The following ZSCAN18 variants were observed in gnomAD, a reference collection of about 807,000 sequenced individuals.
The protein encoded by ZSCAN18 is zinc finger and SCAN domain-containing protein 18.
Under a neutral mutation model 31.1 loss-of-function variants are expected in ZSCAN18, and 16 were observed. The ratio of observed to expected loss-of-function variants is 0.51; its 90% CI spans 0.35 to 0.78. The LOEUF is 0.78. Ranked by LOEUF, ZSCAN18 falls within the 30% of genes least tolerant of loss-of-function variation. The probability of loss-of-function intolerance (pLI) is 0.01; values close to 1 mark genes in which losing one functional copy is unlikely to be tolerated. For missense variants in ZSCAN18, 731 were observed against 697.4 expected (o/e 1.05, Z -0.54); for synonymous variants, 375 against 320.7 (o/e 1.17, Z -1.81).
intron 1 of ZSCAN18, among the ~76,000 whole-genome samples, chr19:58,110,087 C>T (rs753936566): frequency 6.6e-6 from 1 of 152,034 alleles, no homozygotes; most frequent in Non-Finnish European, 1.5e-5. Flanking sequence ...ACTATGTTGC[C>T]CAGGCTGGTC....
chr19:58,099,325 TCA>T (rs1491301844), upstream of ZSCAN18, among the ~76,000 whole-genome samples: 4 of 152,114 alleles, frequency 2.6e-5, no homozygotes, highest in African/African-American at 9.7e-5. Flanking sequence ...AATTTTGCCT[TCA>T]CAGTGTCATA....
Position 58,109,090 on chromosome 19 carries a change from T to A in ZSCAN18, c.130+9177A>T, listed in dbSNP as rs1438890994. On this transcript the variant is annotated intron_variant, in intron 1 of 1. Transcript: ENST00000595721. The stretch of plus-strand genomic sequence containing the variant: ...CATGGTGACCACAGCCCCTCATAGA[T>A]GCTCTGGGTCCTTGTGTGTGGATGC... 2.4e-6 allele frequency: 3 copies of A among 1,227,600 alleles called. No individual in the cohort carries two copies. The East Asian group carries it at 9.5e-5, about 39-fold the overall frequency. The allele number at this position is 1,227,600 out of a possible 1,614,324, so 76.0% of individuals were successfully genotyped here. A position where few individuals can be genotyped will look rare whatever the true frequency, so the allele number is the denominator to read the frequency against.
In ZSCAN18 at chr19:58,085,043, G is replaced by T; in HGVS notation, c.1175C>A (p.Ala392Glu). The change falls in exon 7 of 7, where the codon GCA becomes GAA. Residue 392 changes from alanine to glutamate, a missense_variant. By Grantham distance (107) the Ala-to-Glu change is moderately radical. Coordinates refer to ENST00000601144, the MANE Select transcript of ZSCAN18 (RefSeq NM_001145543.2). ...AGGGCCCTGCCCGGCCTCCAGCCCT[G>T]CGCTGTCGCCGGAGCTAGAGACGCC... ...LEGVSSSGDS[A>E]GLEAGQGPGA... 1 of 1,596,092 alleles carries T rather than the reference G, an allele frequency of 6.3e-7. No individual in the cohort carries two copies. The highest frequency in any genetic ancestry group is 1.3e-5 in the African/African-American group (1 of 74,614).
At chr19:58,101,969 C>CAGAGATCACACACTTA (rs2074598061), upstream of ZSCAN18, among the ~76,000 whole-genome samples, 1 of 151,906 alleles carries the variant, frequency 6.6e-6, no homozygotes, top group African/African-American at 2.4e-5. Context: ...TCTAAGCAGC[C>CAGAGATCACACACTTA]AGAGATCACA....
intron 1 of ZSCAN18, chr19:58,118,215 C>T (rs1224539203): frequency 3.1e-5 from 28 of 896,894 alleles, no homozygotes; most frequent in Non-Finnish European, 4.3e-5. Flanking sequence ...ACAGAAAGAG[C>T]GACCACGCAG....
intron 1 of ZSCAN18, among the ~76,000 whole-genome samples, chr19:58,112,430 C>G (rs2146028181): frequency 6.6e-6 from 1 of 152,038 alleles, no homozygotes; most frequent in Middle Eastern, 3.4e-3. Flanking sequence ...GTGGGCGTAT[C>G]ACGAGGTCAG....
At chr19:58,094,241 C>CAAAA (rs57599558) in intron 1 of ZSCAN18, among the ~76,000 whole-genome samples, 5 of 141,520 alleles carry the variant, frequency 3.5e-5, no homozygotes, top group African/African-American at 1.3e-4. Context: ...ACTAAAAATA[C>CAAAA]AAAAAAAAAA....
At chr19:58,108,153 T>G in intron 1 of ZSCAN18, 1 of 986,790 alleles carries the variant, frequency 1.0e-6, no homozygotes, top group South Asian at 4.7e-5. Context: ...GTTGGAGAAT[T>G]TTTCACACTC....
At chr19:58,118,302 G>C in exon 1 of ZSCAN18, 1 of 1,515,604 alleles carries the variant, frequency 6.6e-7, no homozygotes, top group Non-Finnish European at 8.9e-7. Context: ...CGGTGGGCGG[G>C]AACGGAGGAA....
chr19:58,086,500 GA>G (rs1218913778), intron 5 of ZSCAN18: 15 of 513,750 alleles, frequency 2.9e-5, no homozygotes, highest in Non-Finnish European at 4.8e-5. Context: ...CAAAGCTAAA[GA>G]AAGACATTGA....
chr19:58,114,288 A>G (rs2074712310), intron 1 of ZSCAN18, among the ~76,000 whole-genome samples: 1 of 152,204 alleles, frequency 6.6e-6, no homozygotes, highest in South Asian at 2.1e-4. Flanking sequence ...TGATAATAAT[A>G]ATGTCATAAT....
At chr19:58,113,697 G>A (rs879639855) in intron 1 of ZSCAN18, among the ~76,000 whole-genome samples, 2 of 152,136 alleles carry the variant, frequency 1.3e-5, no homozygotes, top group Admixed American at 1.3e-4. Flanking sequence ...ATACCATAAT[G>A]GCTGGACGCA....
In ZSCAN18 at chr19:58,089,912, T is replaced by G; in HGVS notation, c.356A>C (p.Lys119Thr). Reference sequence around the variant, plus strand: ...GAGGCCCTCCACCAGGGAGGCTGCCTTCTTGCAGCTCTCAGGGTACTGTGC... The same window carrying G: ...GAGGCCCTCCACCAGGGAGGCTGCCGTCTTGCAGCTCTCAGGGTACTGTGC... The part of the protein sequence containing the change: ...VVAQYPESCK[K>T]AASLVEGLAD... The change falls in exon 2 of 7, where the codon AAG becomes ACG. Residue 119 changes from lysine (K) to threonine (T), a missense_variant. Transcript: ENST00000601144. The G allele has an allele frequency of 6.2e-7, 1 of 1,613,738 alleles. No individual in the cohort carries two copies. The highest frequency in any genetic ancestry group is 8.5e-7 in the Non-Finnish European group (1 of 1,179,730).
In ZSCAN18 at chr19:58,085,123, C is replaced by T. The variant is rs752102229; in HGVS notation, c.1095G>A (p.Ala365=). ...GGTGCGGCCTCTTGGTTCCCAGTTTCGCCGTGCCCCTGTCCGGGGCAGGCT... is the reference window on the plus strand; with the variant it reads ...GGTGCGGCCTCTTGGTTCCCAGTTTTGCCGTGCCCCTGTCCGGGGCAGGCT... The part of the protein sequence containing the change: ...IQQPAPDRGT[A]KLGTKRPHPE... The change falls in exon 7 of 7, where the codon GCG becomes GCA. Residue 365 remains alanine, a synonymous_variant. Transcript: ENST00000601144. The T allele has an allele frequency of 3.7e-6, 6 of 1,607,516 alleles. No homozygotes were observed. The highest frequency in any genetic ancestry group is 1.1e-5 in the South Asian group (1 of 90,500).
intron 1 of ZSCAN18, among the ~76,000 whole-genome samples, chr19:58,110,996 A>G (rs888518253): frequency 2.0e-5 from 3 of 152,040 alleles, no homozygotes; most frequent in East Asian, 3.9e-4. Context: ...GTGAAACCCC[A>G]TCTCTACTAA....
chr19:58,104,809 T>C (rs1327545256), intron 1 of ZSCAN18, among the ~76,000 whole-genome samples: 4 of 152,326 alleles, frequency 2.6e-5, no homozygotes, highest in Non-Finnish European at 5.9e-5. Flanking sequence ...AACATAAAAG[T>C]GCAAGGTGAA....
chr19:58,089,209 A>G (rs1039623943), intron 2 of ZSCAN18, among the ~76,000 whole-genome samples: 14 of 140,786 alleles, frequency 9.9e-5, no homozygotes, highest in Non-Finnish European at 1.5e-4. Context: ...AGGCTGAGGC[A>G]GGAGAATGGC....
upstream of ZSCAN18, among the ~76,000 whole-genome samples, chr19:58,099,964 G>GTTTTTTTTTTT (rs55769261): frequency 2.2e-5 from 3 of 136,114 alleles, no homozygotes; most frequent in Non-Finnish European, 3.1e-5. Flanking sequence ...TGAAAGCTAT[G>GTTTTTTTTTTT]TTTTTTTTTT....
intron 1 of ZSCAN18, among the ~76,000 whole-genome samples, chr19:58,097,624 C>G (rs924839055): frequency 6.6e-6 from 1 of 151,776 alleles, no homozygotes; most frequent in East Asian, 1.9e-4. Flanking sequence ...GGGGCCACAG[C>G]CTGCCCAGCG....
Sources: allele counts gnomAD v4.1 joint callset (sites outside exome capture counted in the v4.1 genomes callset), GRCh38; gene constraint gnomAD v4.1.1; transcripts MANE v1.5; gene names NCBI Gene and HGNC (gene_info 2026-07-23, HGNC 2026-07-21).